Variants in CCS observed in about 807,000 individuals in gnomAD.
The protein encoded by CCS is copper chaperone for superoxide dismutase, also known as superoxide dismutase copper chaperone.
In CCS, 32 loss-of-function variants were observed where a neutral mutation model predicts 35.5. The ratio of observed to expected loss-of-function variants is 0.90; its 90% CI spans 0.68 to 1.21. The LOEUF (loss-of-function observed/expected upper bound fraction) is 1.21, where lower values mean the gene tolerates loss of function less well. CCS is among the 50% of genes most tolerant of loss of function. The pLI, the probability that CCS is intolerant of heterozygous loss-of-function variation, is 0.00. For synonymous variants in CCS, 130 were observed against 147.2 expected (o/e 0.88, Z 0.84); for missense variants, 342 against 375.4 (o/e 0.91, Z 0.73).
At chr11:66,597,185 G>A (rs1302547293) in intron 2 of CCS, among the ~76,000 whole-genome samples, 4 of 152,298 alleles carry the variant, frequency 2.6e-5, no homozygotes, top group Admixed American at 2.0e-4. Flanking sequence ...TCGGCTGGGC[G>A]CAGTGGCTCA....
At chr11:66,593,928 T>C (rs1858428934) in intron 2 of CCS, among the ~76,000 whole-genome samples, 1 of 152,194 alleles carries the variant, frequency 6.6e-6, no homozygotes, top group Non-Finnish European at 1.5e-5. Context: ...GCCTGTCTTG[T>C]TGTCCTGAAC....
intron 2 of CCS, among the ~76,000 whole-genome samples, chr11:66,594,845 A>G (rs962552529): frequency 6.6e-6 from 1 of 151,210 alleles, no homozygotes; most frequent in Non-Finnish European, 1.5e-5. Flanking sequence ...GGGGCTTTTT[A>G]GGGAGAAGAG....
chr11:66,596,057 C>G (rs910643401), intron 2 of CCS, among the ~76,000 whole-genome samples: 41 of 152,168 alleles, frequency 2.7e-4, no homozygotes, highest in African/African-American at 9.9e-4. Context: ...TTCTGTTGCC[C>G]CCTCTAATAG....
intron 5 of CCS, among the ~76,000 whole-genome samples, chr11:66,602,905 C>T (rs1371542798): frequency 2.0e-5 from 3 of 152,240 alleles, no homozygotes; most frequent in Non-Finnish European, 4.4e-5. Flanking sequence ...CTGCTTTTCC[C>T]AGGTGGAAAA....
intron 2 of CCS, 81 bp from the exon 3 acceptor site, chr11:66,599,035 A>T: frequency 6.4e-7 from 1 of 1,560,006 alleles, no homozygotes; most frequent in Non-Finnish European, 8.8e-7. Context: ...GGGGATGGAG[A>T]ATTGCTGTCT....
At chr11:66,604,327 G>T (rs942135828) in intron 5 of CCS, among the ~76,000 whole-genome samples, 5 of 152,142 alleles carry the variant, frequency 3.3e-5, no homozygotes, top group East Asian at 1.9e-4. Flanking sequence ...AACGCAGGGC[G>T]TAAAAAAAAG....
At chr11:66,601,738 T>G (rs891896850) in intron 5 of CCS, among the ~76,000 whole-genome samples, 23 of 152,024 alleles carry the variant, frequency 1.5e-4, no homozygotes, top group Admixed American at 2.0e-4. Context: ...TAATTTTTTT[T>G]TTTTGTTTTT....
At chr11:66,603,980 G>C (rs1353396729) in intron 5 of CCS, among the ~76,000 whole-genome samples, 1 of 151,910 alleles carries the variant, frequency 6.6e-6, no homozygotes, top group African/African-American at 2.4e-5. Context: ...AGTGAGCCCA[G>C]ATCGCACCAC....
chr11:66,595,107 C>T (rs1180504225), intron 2 of CCS, among the ~76,000 whole-genome samples: 1 of 152,142 alleles, frequency 6.6e-6, no homozygotes, highest in Non-Finnish European at 1.5e-5. Context: ...TTTTGTGTCT[C>T]TGTTTCTTCT....
At chr11:66,597,624 C>T (rs1277765144) in intron 2 of CCS, among the ~76,000 whole-genome samples, 3 of 150,618 alleles carry the variant, frequency 2.0e-5, no homozygotes, top group Non-Finnish European at 2.9e-5. Flanking sequence ...TGGTGGCGGG[C>T]GCCTGTAGTC....
chr11:66,603,733 C>A (rs1016230649), intron 5 of CCS, among the ~76,000 whole-genome samples: 1 of 152,270 alleles, frequency 6.6e-6, no homozygotes, highest in Admixed American at 6.5e-5. Flanking sequence ...GTAGTCCCAG[C>A]TACTTGGGAG....
intron 5 of CCS, among the ~76,000 whole-genome samples, chr11:66,602,275 C>T (rs1858583536): frequency 6.6e-6 from 1 of 152,186 alleles, no homozygotes; most frequent in South Asian, 2.1e-4. Flanking sequence ...CTCGGGGCTG[C>T]AGTCATCTCA....
rs374899928 is a variant in CCS at position 66,597,630 on chromosome 11, T to A, written c.113-1486T>A. ...AGCCGGGCTTGGTGGCGGGCGCCTG[T>A]AGTCCCTGCTACTCGGGAGGCTGAG... On this transcript the variant is annotated intron_variant, in intron 2 of 7. Coordinates refer to ENST00000533244, the MANE Select transcript of CCS (RefSeq NM_005125.2). 3.2e-4 allele frequency among the ~76,000 whole-genome samples: 48 copies of A among 150,622 alleles called. No homozygotes were observed. In the East Asian group the frequency reaches 8.6e-3, roughly 27 times the overall value.
At chr11:66,593,744 A>G (rs1217807949) in intron 2 of CCS, 30 bp downstream of exon 2, 2 of 1,604,066 alleles carry the variant, frequency 1.2e-6, no homozygotes, top group Middle Eastern at 1.7e-4. Context: ...TTCTGCAGAC[A>G]GTCCAGAAGC....
chr11:66,599,464 C>A lies in CCS; in HGVS notation c.256C>A (p.Leu86Met). ...KGMGSGQLQN[L>M]GAAVAILGGP... ...AAGTGTCTAATACCTTGCAGAGAAT[C>A]TGGGGGCAGCAGTGGCCATCCTGGG... is the stretch of plus-strand genomic sequence containing the variant. The change falls in exon 4 of 8, where the codon CTG becomes ATG. Residue 86 changes from leucine (L) to methionine (M), a missense_variant. By Grantham distance (15) the Leu-to-Met change is conservative. Transcript: ENST00000533244. 2 of 1,529,828 alleles carry A rather than the reference C, an allele frequency of 1.3e-6. No homozygotes were observed. The highest frequency in any genetic ancestry group is 1.8e-6 in the Non-Finnish European group (2 of 1,142,786). 94.8% of individuals were successfully genotyped at this position (1,529,828 alleles called of 1,614,324 possible). A position where few individuals can be genotyped will look rare whatever the true frequency, so the allele number is the denominator to read the frequency against.
chr11:66,593,678 G>A lies in CCS; in HGVS notation c.76G>A (p.Val26Met). 1.2e-6 allele frequency: 2 copies of A among 1,614,194 alleles called. No homozygotes were observed. The highest frequency in any genetic ancestry group is 1.7e-6 in the Non-Finnish European group (2 of 1,180,046). ...GGTGCAGATGACCTGTCAGAGCTGT[G>A]TGGACGCGGTGCGCAAATCCCTGCA... ...FAVQMTCQSC[V>M]DAVRKSLQGV... Residue 26 changes from valine (V) to methionine (M), a missense_variant, in exon 2 of 8, where the codon GTG becomes ATG. Physicochemically the swap from Val to Met is conservative, Grantham distance 21 (BLOSUM62 1). Coordinates refer to ENST00000533244, the MANE Select transcript of CCS (RefSeq NM_005125.2).
intron 6 of CCS, 25 bp downstream of exon 6, chr11:66,605,441 C>G: frequency 6.2e-7 from 1 of 1,613,940 alleles, no homozygotes; most frequent in Non-Finnish European, 8.5e-7. Flanking sequence ...AAGGTGGGCA[C>G]CCTTCCTAAC....
Position 66,600,555 on chromosome 11 carries a change from T to C in CCS, c.489+6T>C. On this transcript the variant is annotated splice_donor_region_variant and intron_variant, in intron 5 of 7. Coordinates refer to ENST00000533244, the MANE Select transcript of CCS (RefSeq NM_005125.2). ...GCCCCCAGGACTCTGACCGGGTAAGTGTCTGTCTGGGTTTGGGCTTGGGCT... is the reference window on the plus strand; with the variant it reads ...GCCCCCAGGACTCTGACCGGGTAAGCGTCTGTCTGGGTTTGGGCTTGGGCT... The C allele has an allele frequency of 6.6e-7, 1 of 1,504,332 alleles. No homozygotes were observed. The allele number at this position is 1,504,332 out of a possible 1,614,324, so 93.2% of individuals were successfully genotyped here.
chr11:66,601,739 T>G (rs184644485), intron 5 of CCS, among the ~76,000 whole-genome samples: 89 of 152,162 alleles, frequency 5.8e-4, no homozygotes, highest in Non-Finnish European at 8.2e-4. Context: ...AATTTTTTTT[T>G]TTTGTTTTTT....
Sources: gnomAD v4.1 joint callset for allele counts (sites outside exome capture counted in the v4.1 genomes callset) on GRCh38, gnomAD v4.1.1 for gene constraint, MANE v1.5 for transcripts, NCBI Gene and HGNC (gene_info 2026-07-23, HGNC 2026-07-21) for gene names.